Variants in UGT1A7 observed in about 807,000 individuals in gnomAD.
UGT1A7 encodes UDP-glucuronosyltransferase 1A7.
In UGT1A7, 33 loss-of-function variants were observed where a neutral mutation model predicts 45.6. That is an observed-to-expected ratio of 0.72 (90% CI 0.55 to 0.97). The LOEUF (loss-of-function observed/expected upper bound fraction) is 0.97, where lower values mean the gene tolerates loss of function less well. Ranked by LOEUF, UGT1A7 falls within the 50% of genes least tolerant of loss-of-function variation. The pLI is 0.00. For missense variants in UGT1A7, 684 were observed against 666.2 expected (o/e 1.03, Z -0.29); for synonymous variants, 274 against 250.6 (o/e 1.09, Z -0.88).
At chr2:233,708,956 T>A (rs1167417954) in intron 1 of UGT1A7, among the ~76,000 whole-genome samples, 1 of 152,154 alleles carries the variant, frequency 6.6e-6, no homozygotes, top group East Asian at 1.9e-4. Flanking sequence ...CATTTATATG[T>A]TTCCATTTCT....
intron 1 of UGT1A7, among the ~76,000 whole-genome samples, chr2:233,703,207 A>G (rs552243315): frequency 1.3e-5 from 2 of 152,128 alleles, no homozygotes; most frequent in South Asian, 4.1e-4. Context: ...TGTCAATTTT[A>G]TCTAAGTTAT....
intron 1 of UGT1A7, among the ~76,000 whole-genome samples, chr2:233,722,482 A>G (rs1187534654): frequency 6.6e-6 from 1 of 151,926 alleles, no homozygotes; most frequent in Non-Finnish European, 1.5e-5. Context: ...TATTCTTTTC[A>G]CTGTTTCATT....
At chr2:233,735,606 C>T (rs567993931) in intron 1 of UGT1A7, among the ~76,000 whole-genome samples, 14 of 152,270 alleles carry the variant, frequency 9.2e-5, no homozygotes, top group African/African-American at 2.6e-4. Context: ...TTCACAGCAT[C>T]GATAGTCTTT....
intron 1 of UGT1A7, chr2:233,754,648 T>C (rs1008814109): frequency 4.4e-6 from 2 of 451,966 alleles, no homozygotes; most frequent in African/African-American, 2.0e-5. Context: ...CCATTCTCAA[T>C]GATTCTCTTG....
intron 1 of UGT1A7, chr2:233,748,062 A>T: frequency 6.2e-7 from 1 of 1,613,436 alleles, no homozygotes; most frequent in South Asian, 1.1e-5. Context: ...CTGTGCCAAC[A>T]GGAAGCCACT....
chr2:233,725,835 CTATGT>C (rs1185160672), intron 1 of UGT1A7, among the ~76,000 whole-genome samples: 4 of 152,052 alleles, frequency 2.6e-5, no homozygotes, highest in Admixed American at 2.0e-4. Flanking sequence ...ATTGCTACTC[CTATGT>C]TATTTTTTCA....
chr2:233,763,286 C>G (rs1023575822), intron 1 of UGT1A7, among the ~76,000 whole-genome samples: 3 of 152,120 alleles, frequency 2.0e-5, no homozygotes, highest in Non-Finnish European at 2.9e-5. Context: ...ATCTGAAATT[C>G]CACTTTTTGG....
chr2:233,744,974 C>T (rs1446449011), intron 1 of UGT1A7, among the ~76,000 whole-genome samples: 1 of 151,828 alleles, frequency 6.6e-6, no homozygotes. Flanking sequence ...CTTCTTTAAG[C>T]CTCTAGTCAT....
chr2:233,713,025 C>G, intron 1 of UGT1A7: 1 of 1,613,852 alleles, frequency 6.2e-7, no homozygotes, highest in Non-Finnish European at 8.5e-7. Context: ...CCTGCCGCAG[C>G]TGGCCACAGG....
chr2:233,690,002 C>T (rs897085594), intron 1 of UGT1A7: 2 of 449,522 alleles, frequency 4.4e-6, no homozygotes, highest in African/African-American at 4.0e-5. Context: ...CTCACTTCAT[C>T]TCACCATTTT....
intron 1 of UGT1A7, among the ~76,000 whole-genome samples, chr2:233,741,083 A>G (rs1400996057): frequency 6.6e-6 from 1 of 151,938 alleles, no homozygotes; most frequent in Non-Finnish European, 1.5e-5. Flanking sequence ...TGTCTTTAAA[A>G]CAAACAAGCA....
At chr2:233,717,803 A>G (rs1343545824) in intron 1 of UGT1A7, 2 of 456,012 alleles carry the variant, frequency 4.4e-6, no homozygotes, top group South Asian at 3.1e-5. Flanking sequence ...TAGTGCCCCC[A>G]CAAATTATGC....
intron 1 of UGT1A7, among the ~76,000 whole-genome samples, chr2:233,745,355 T>A (rs1693086432): frequency 6.6e-6 from 1 of 151,846 alleles, no homozygotes; most frequent in African/African-American, 2.4e-5. Context: ...TTGGGGGAAT[T>A]TTTTTGAGAT....
At chr2:233,763,030 G>T (rs1698223178) in intron 1 of UGT1A7, among the ~76,000 whole-genome samples, 1 of 152,142 alleles carries the variant, frequency 6.6e-6, no homozygotes, top group South Asian at 2.1e-4. Flanking sequence ...GTTAGCCATT[G>T]TTTTCTGAAC....
At position 233,772,663 on chromosome 2, in the gene UGT1A7, A is replaced by G. The variant is rs1700540831; in HGVS notation, c.*104A>G. The G allele has an allele frequency of 5.2e-6, 8 of 1,539,906 alleles. No homozygotes were observed. Among genetic ancestry groups the G allele is most frequent in the Non-Finnish European group, 7.0e-6 (8 of 1,144,332 alleles). On this transcript the variant is annotated 3_prime_UTR_variant, in exon 5 of 5. Coordinates refer to ENST00000373426, the MANE Select transcript of UGT1A7 (RefSeq NM_019077.3). Reference sequence around the variant, plus strand: ...TTCATTTTATTCTTATTAAGGAAATACTTTGCATAAATTAATCAGCCCCAG... The same window carrying G: ...TTCATTTTATTCTTATTAAGGAAATGCTTTGCATAAATTAATCAGCCCCAG...
chr2:233,743,437 C>G (rs1376111647), intron 1 of UGT1A7: 4 of 1,360,536 alleles, frequency 2.9e-6, no homozygotes, highest in East Asian at 4.6e-5. Flanking sequence ...GGAACGAAAT[C>G]CTGTATCAAA....
rs1470214216 is a variant in UGT1A7 at position 233,682,138 on chromosome 2, A to G, written c.201A>G (p.Gly67=). Reference sequence around the variant, plus strand: ...TGCCAGAGGTGAGTTGGCAACTGGGAAGATCACTGAATTGCACAGTGAAGA... The same window carrying G: ...TGCCAGAGGTGAGTTGGCAACTGGGGAGATCACTGAATTGCACAGTGAAGA... ...VVMPEVSWQL[G]RSLNCTVKTY... is the part of the protein sequence containing the mutation. Residue 67 remains glycine (G), a synonymous_variant, in exon 1 of 5, where the codon GGA becomes GGG. Transcript: ENST00000373426. 4 of 1,614,202 alleles carry G rather than the reference A, an allele frequency of 2.5e-6. No individual in the cohort carries two copies. Among genetic ancestry groups the G allele is most frequent in the Non-Finnish European group, 3.4e-6 (4 of 1,180,036 alleles).
At chr2:233,720,428 A>G (rs1040145834) in intron 1 of UGT1A7, among the ~76,000 whole-genome samples, 1 of 152,036 alleles carries the variant, frequency 6.6e-6, no homozygotes, top group African/African-American at 2.4e-5. Flanking sequence ...AGGAGATAAG[A>G]CCGTGAATCT....
chr2:233,710,591 C>T (rs188029581), intron 1 of UGT1A7, among the ~76,000 whole-genome samples: 9 of 152,216 alleles, frequency 5.9e-5, no homozygotes, highest in Non-Finnish European at 1.3e-4. Flanking sequence ...CTTCCGCACA[C>T]CTTTATTGGT....
Sources: gnomAD v4.1 joint callset for allele counts (sites outside exome capture counted in the v4.1 genomes callset) on GRCh38, gnomAD v4.1.1 for gene constraint, MANE v1.5 for transcripts, NCBI Gene and HGNC (gene_info 2026-07-23, HGNC 2026-07-21) for gene names.